The following TTN variants were observed in gnomAD, a reference collection of about 807,000 sequenced individuals.
TTN encodes connectin.
In TTN, 1,525 loss-of-function variants were observed where a neutral mutation model predicts 3,223.0. That is an observed-to-expected ratio of 0.47 (90% confidence interval 0.45 to 0.49). TTN has a LOEUF of 0.49. Among genes scored for constraint, TTN ranks in the 20% least tolerant of loss-of-function variants. TTN has a pLI of 0.00. For synonymous variants in TTN, 14,094 were observed against 15,161.0 expected, an observed-to-expected ratio of 0.93 and a Z score of 5.17; for missense variants, 40,786 against 43,424.0, an observed-to-expected ratio of 0.94 and a Z score of 5.40.
chr2:178,698,808 A>G, intron 112 of TTN, 35 bp downstream of exon 112: 1 of 1,528,096 alleles, frequency 6.5e-7, no homozygotes, highest in Non-Finnish European at 8.8e-7. Context: ...GCCAAGAAAA[A>G]AGTGTTAAGA....
In TTN at chr2:178,557,569, A is replaced by T; in HGVS notation, c.87707-14T>A. The T allele has an allele frequency of 6.2e-7, 1 of 1,613,830 alleles. No homozygotes were observed. Among genetic ancestry groups the T allele is most frequent in the Non-Finnish European group, 8.5e-7 (1 of 1,179,790 alleles). The stretch of plus-strand genomic sequence containing the variant: ...GTCCAGGTGTTGCTACAAAAGAGAG[A>T]AATCCTATAGATTAGTACAGACAAT... On this transcript the variant is annotated splice_polypyrimidine_tract_variant and intron_variant, in intron 328 of 362. Transcript: ENST00000589042.
rs1381263123 is a variant in TTN, at chr2:178,771,228, G to T, written c.8099C>A (p.Ala2700Asp). Reference sequence around the variant, plus strand: ...TTACTTGCCTTCAACTTTGAGTTTGGCAGATGTTTTGGAGGTGGCCACCTT... The same window carrying T: ...TTACTTGCCTTCAACTTTGAGTTTGTCAGATGTTTTGGAGGTGGCCACCTT... ...TYKVATSKTS[A>D]KLKVEAVKIK... The change falls in exon 34 of 363, where the codon GCC becomes GAC. Residue 2700 changes from alanine (A) to aspartate (D), a missense_variant. Transcript: ENST00000589042. The T allele has an allele frequency of 1.2e-6, 2 of 1,614,030 alleles. No individual in the cohort carries two copies. The highest frequency in any genetic ancestry group is 1.7e-6 in the Non-Finnish European group (2 of 1,179,976).
intron 36 of TTN, 26 bp downstream of exon 36, chr2:178,770,034 G>T: frequency 6.2e-7 from 1 of 1,614,148 alleles, no homozygotes; most frequent in East Asian, 2.2e-5. Flanking sequence ...TAAGGAAAGG[G>T]CTGTAGGGGG....
In TTN at chr2:178,652,917, T is replaced by C. The variant is rs2063340297; in HGVS notation, c.38890A>G (p.Ile12964Val). 6.2e-7 allele frequency: 1 copy of C among 1,607,318 alleles called. No individual in the cohort carries two copies. Among genetic ancestry groups the C allele is most frequent in the African/African-American group, 1.3e-5 (1 of 74,346 alleles). Reference sequence around the variant, plus strand: ...ATTTTCTTTTCAGGAACAACCTCTATGGGAGCCTCTGGCACTTAAAAGATA... The same window carrying C: ...ATTTTCTTTTCAGGAACAACCTCTACGGGAGCCTCTGGCACTTAAAAGATA... The part of the protein sequence containing the change: ...VPPVKVPEAP[I>V]EVVPEKKMPL... The change falls in exon 200 of 363, where the codon ATA becomes GTA. Residue 12964 changes from isoleucine to valine, a missense_variant. Coordinates refer to ENST00000589042, the MANE Select transcript of TTN (RefSeq NM_001267550.2).
rs752424632 is a variant in TTN at position 178,678,488 on chromosome 2, A to G, written c.33836T>C (p.Val11279Ala). 6.3e-7 allele frequency: 1 copy of G among 1,578,708 alleles called. No individual in the cohort carries two copies. Reference protein sequence around the residue: ...VEAPPAKVPEVPKKPVPEKKV... With the variant: ...VEAPPAKVPEAPKKPVPEKKV... ...CTTCTCAGGCACAGGCTTCTTGGGT[A>G]CCTCTGGCACTTTAACGAAATGATT... Residue 11279 changes from valine to alanine, a missense_variant, in exon 144 of 363, where the codon GTA becomes GCA. Transcript: ENST00000589042.
intron 34 of TTN, among the ~76,000 whole-genome samples, chr2:178,770,960 G>A (rs754506932): frequency 2.0e-5 from 3 of 152,198 alleles, no homozygotes; most frequent in African/African-American, 7.2e-5. Context: ...GGTGAAAGAC[G>A]AATGGAGAAT....
chr2:178,772,020 T>G (rs2091577113), intron 33 of TTN, among the ~76,000 whole-genome samples: 1 of 152,204 alleles, frequency 6.6e-6, no homozygotes, highest in Admixed American at 6.5e-5. Context: ...TAGTTGCTTA[T>G]GTATCTGTCC....
intron 122 of TTN, 83 bp downstream of exon 122, chr2:178,689,730 C>G: frequency 6.9e-7 from 1 of 1,459,438 alleles, no homozygotes; most frequent in Non-Finnish European, 9.4e-7. Context: ...TAGAATTAAA[C>G]TAACTCAATG....
rs775570176 is a variant in TTN, at chr2:178,546,811, C to T, written c.94617G>A (p.Val31539=). Residue 31539 remains valine (V), a synonymous_variant, in exon 341 of 363, where the codon GTG becomes GTA. Coordinates refer to ENST00000589042, the MANE Select transcript of TTN (RefSeq NM_001267550.2). Reference sequence around the variant, plus strand: ...CTGGCTTACGCTCTATGATGTAGCCCACAACCTTGCTGCCTCCATCATACG... The same window carrying T: ...CTGGCTTACGCTCTATGATGTAGCCTACAACCTTGCTGCCTCCATCATACG... The part of the protein sequence containing the change: ...APAYDGGSKV[V]GYIIERKPVS... 3 of 1,612,602 alleles carry T rather than the reference C, an allele frequency of 1.9e-6. No homozygotes were observed. Among genetic ancestry groups the T allele is most frequent in the Non-Finnish European group, 2.5e-6 (3 of 1,178,832 alleles).
At position 178,689,523 on chromosome 2, in the gene TTN, G is replaced by T. The variant is rs1440777306; in HGVS notation, c.31919C>A (p.Pro10640Gln). 1 of 1,609,388 alleles carries T rather than the reference G, an allele frequency of 6.2e-7. No individual in the cohort carries two copies. Among genetic ancestry groups the T allele is most frequent in the Non-Finnish European group, 8.5e-7 (1 of 1,177,382 alleles). The change falls in exon 123 of 363, where the codon CCA becomes CAA. Residue 10640 changes from proline (P) to glutamine (Q), a missense_variant. Physicochemically the swap from Pro to Gln is moderately conservative, Grantham distance 76 (BLOSUM62 -1). Coordinates refer to ENST00000589042, the MANE Select transcript of TTN (RefSeq NM_001267550.2). ...GAGATGGGATTAAGTACCTGCTGGTGGTGGAGATTCCTCTCTTTGAGTTAC... is the reference window on the plus strand; with the variant it reads ...GAGATGGGATTAAGTACCTGCTGGTTGTGGAGATTCCTCTCTTTGAGTTAC... ...TIVTQREESP[P>Q]PAVPEIPKKK...
chr2:178,544,006 T>A lies in TTN; in HGVS notation c.96138A>T (p.Ile32046=), dbSNP rs368154623. The part of the protein sequence containing the change: ...VSVSGRPPPV[I]TWSKQGIDLA... ...GGTCAATGCCCTGCTTGCTCCACGT[T>A]ATGACAGGAGGTGGTCTTCCAGATA... The change falls in exon 346 of 363, where the codon ATA becomes ATT. Residue 32046 remains isoleucine (I), a synonymous_variant. Transcript: ENST00000589042. The A allele has an allele frequency of 2.7e-5, 43 of 1,613,686 alleles. No individual in the cohort carries two copies. The African/African-American group carries it at 4.4e-4, about 17-fold the overall frequency.
chr2:178,772,509 A>T (rs1453205738), intron 33 of TTN, among the ~76,000 whole-genome samples: 1 of 152,174 alleles, frequency 6.6e-6, no homozygotes, highest in East Asian at 1.9e-4. Context: ...CTACTGAATG[A>T]TGGTCTTATT....
At position 178,741,417 on chromosome 2, in the gene TTN, T is replaced by G; in HGVS notation, c.11816A>C (p.His3939Pro). The G allele has an allele frequency of 6.2e-7, 1 of 1,613,878 alleles. No homozygotes were observed. Among genetic ancestry groups the G allele is most frequent in the Non-Finnish European group, 8.5e-7 (1 of 1,179,826 alleles). Residue 3939 changes from histidine (H) to proline (P), a missense_variant, in exon 48 of 363, where the codon CAC becomes CCC. Coordinates refer to ENST00000589042, the MANE Select transcript of TTN (RefSeq NM_001267550.2). ...LEKLGGPCPP[H>P]FLKELKPIRC... Reference sequence around the variant, plus strand: ...AATTGGTTTTAACTCCTTAAGGAAGTGAGGAGGACAAGGACCTCCCAGCTT... The same window carrying G: ...AATTGGTTTTAACTCCTTAAGGAAGGGAGGAGGACAAGGACCTCCCAGCTT...
chr2:178,664,342 A>G, intron 168 of TTN, 118 bp downstream of exon 168: 2 of 871,026 alleles, frequency 2.3e-6, no homozygotes, highest in Non-Finnish European at 3.6e-6. Context: ...TTGAGTTGCA[A>G]GAGTCAACAC....
chr2:178,793,110 C>T (rs1009277137), intron 9 of TTN, among the ~76,000 whole-genome samples: 6 of 152,220 alleles, frequency 3.9e-5, no homozygotes, highest in Non-Finnish European at 8.8e-5. Context: ...AGCCATCTGT[C>T]CTCTCCCTAT....
rs2291305 is a variant in TTN at position 178,771,530 on chromosome 2, T to A, written c.7856-59A>T. Reference sequence around the variant, plus strand: ...TAAACATATTCACACAATGGGAAAATCTTTGCAGAAGTAAATATAAAATAT... The same window carrying A: ...TAAACATATTCACACAATGGGAAAAACTTTGCAGAAGTAAATATAAAATAT... On this transcript the variant is annotated intron_variant, in intron 33 of 362. Transcript: ENST00000589042. 0.055 allele frequency: 87,930 copies of A among 1,602,100 alleles called. 4,009 individuals carry two copies. Among genetic ancestry groups the A allele is most frequent in the Admixed American group, 0.21 (12,314 of 59,884 alleles).
In TTN at chr2:178,654,210, T is replaced by C. The variant is rs189389531; in HGVS notation, c.38378A>G (p.Lys12793Arg). The C allele has an allele frequency of 3.9e-4, 630 of 1,595,486 alleles. 30 individuals carry two copies. In the East Asian group the frequency reaches 0.011, roughly 28 times the overall value. ...VPKKPEAPRA[K>R]VPEAAQEVVP... is the part of the protein sequence containing the mutation. ...AGCAGAGGAGAGGGAATAAATACCT[T>C]TTGCACGTGGGGCTTCCGGTTTTTT... is the stretch of plus-strand genomic sequence containing the variant. Residue 12793 changes from lysine (K) to arginine (R), a missense_variant and splice_region_variant, in exon 193 of 363, where the codon AAA becomes AGA. Transcript: ENST00000589042.
rs757271306 is a variant in TTN at position 178,552,304 on chromosome 2, C to T, written c.90596G>A (p.Gly30199Glu). Residue 30199 changes from glycine to glutamate, a missense_variant, in exon 335 of 363, where the codon GGA becomes GAA. Coordinates refer to ENST00000589042, the MANE Select transcript of TTN (RefSeq NM_001267550.2). ...ATCAAGAATAACAGTGTATTTTCCT[C>T]CATGCTCCTTCTTGGCATTCTTAAT... ...LSIKNAKKEH[G>E]GKYTVILDNA... 2 of 1,612,454 alleles carry T rather than the reference C, an allele frequency of 1.2e-6. No homozygotes were observed. The highest frequency in any genetic ancestry group is 4.5e-5 in the East Asian group (2 of 44,844).
chr2:178,702,623 C>T lies in TTN; in HGVS notation c.30264G>A (p.Val10088=). The change falls in exon 107 of 363, where the codon GTG becomes GTA. Residue 10088 remains valine, a synonymous_variant. Transcript: ENST00000589042. ...AGGTGGCAGACTGATGCTCACTCAC[C>T]ACGATGTTCTGTATGCGCTTTGTAA... ...IQFTKRIQNI[V]VSEHQSATFE... is the part of the protein sequence containing the mutation. The T allele has an allele frequency of 1.9e-6, 3 of 1,613,962 alleles. No individual in the cohort carries two copies. Among genetic ancestry groups the T allele is most frequent in the Non-Finnish European group, 2.5e-6 (3 of 1,179,886 alleles).
Sources: allele counts gnomAD v4.1 joint callset (sites outside exome capture counted in the v4.1 genomes callset), GRCh38; gene constraint gnomAD v4.1.1; transcripts MANE v1.5; gene names NCBI Gene and HGNC (gene_info 2026-07-23, HGNC 2026-07-21).